The following FTCDNL1 variants were observed in gnomAD, a reference collection of about 807,000 sequenced individuals.
FTCDNL1 encodes the protein formiminotransferase cyclodeaminase N-terminal like, also known as formiminotransferase N-terminal subdomain-containing protein.
In FTCDNL1, 11 loss-of-function variants were observed where a neutral mutation model predicts 5.9. That is an observed-to-expected ratio of 1.87 (90% CI 1.18 to 3.10). FTCDNL1 has a LOEUF of 3.10. Ranked by LOEUF, FTCDNL1 falls within the 30% of genes most tolerant of loss-of-function variation. The pLI is 0.00. For missense variants in FTCDNL1, 115 were observed against 65.5 expected (o/e 1.76, Z -2.61); for synonymous variants, 58 against 24.8 (o/e 2.34, Z -3.99).
In FTCDNL1 at chr2:199,833,051, C is replaced by A. The variant is rs547652815; in HGVS notation, c.211+13024G>T. ...GTGGCACCATCACAGCTCACTGCAG[C>A]CTTGCCTTCCAGACTCAAGCAATCC... On this transcript the variant is annotated intron_variant, in intron 3 of 4. Coordinates refer to ENST00000420128, the MANE Select transcript of FTCDNL1 (RefSeq NM_001363886.2). Among the ~76,000 whole-genome samples, 11 of 151,998 alleles carry A rather than the reference C, an allele frequency of 7.2e-5. No homozygotes were observed. In the South Asian group the frequency reaches 2.1e-3, roughly 29 times the overall value.
the FTCDNL1 span, among the ~76,000 whole-genome samples, chr2:199,749,405 C>A: frequency 3.3e-5 from 5 of 152,238 alleles, no homozygotes; most frequent in African/African-American, 1.2e-4. Flanking sequence ...ACCATACAAT[C>A]AACTCAATTG....
chr2:199,845,979 T>G (rs962347753), intron 3 of FTCDNL1, 96 bp downstream of exon 3: 2 of 557,602 alleles, frequency 3.6e-6, no homozygotes, highest in Non-Finnish European at 6.4e-6. Flanking sequence ...GAGGGGAGTA[T>G]TCATATTTAC....
the FTCDNL1 span, among the ~76,000 whole-genome samples, chr2:199,705,199 G>A: frequency 6.6e-6 from 1 of 152,128 alleles, no homozygotes; most frequent in Non-Finnish European, 1.5e-5. Flanking sequence ...TGGTAAGAGG[G>A]GGAAAGTAAG....
chr2:199,843,077 G>A (rs895598788), intron 3 of FTCDNL1, among the ~76,000 whole-genome samples: 4 of 152,162 alleles, frequency 2.6e-5, no homozygotes, highest in Non-Finnish European at 5.9e-5. Flanking sequence ...TTTTTAATCA[G>A]ATGAAGATTG....
the FTCDNL1 span, among the ~76,000 whole-genome samples, chr2:199,669,313 A>T: frequency 5.9e-5 from 9 of 152,214 alleles, no homozygotes; most frequent in South Asian, 2.1e-4. Flanking sequence ...AAAAGAGAAA[A>T]AAATAAATAA....
chr2:199,669,953 A>T, the FTCDNL1 span, among the ~76,000 whole-genome samples: 1 of 152,188 alleles, frequency 6.6e-6, no homozygotes, highest in Admixed American at 6.5e-5. Flanking sequence ...TCTCAAGTTG[A>T]AACAATGAGT....
At chr2:199,763,533 C>T (rs1007193019) in intron 3 of FTCDNL1, among the ~76,000 whole-genome samples, 2 of 152,312 alleles carry the variant, frequency 1.3e-5, no homozygotes, top group African/African-American at 4.8e-5. Context: ...ACTCACCTTT[C>T]CCCAAGCTCC....
chr2:199,728,733 GATCAC>G, the FTCDNL1 span, among the ~76,000 whole-genome samples: 1 of 152,192 alleles, frequency 6.6e-6, no homozygotes, highest in Non-Finnish European at 1.5e-5. Context: ...GCTATCATTT[GATCAC>G]ATTGAGCATG....
intron 3 of FTCDNL1, among the ~76,000 whole-genome samples, chr2:199,785,292 G>A (rs981883654): frequency 9.8e-6 from 1 of 102,344 alleles, no homozygotes; most frequent in South Asian, 3.5e-4. Context: ...CTGTCGACCA[G>A]GCCAGAGTGC....
At chr2:199,733,286 A>G in the FTCDNL1 span, among the ~76,000 whole-genome samples, 1 of 152,214 alleles carries the variant, frequency 6.6e-6, no homozygotes, top group Non-Finnish European at 1.5e-5. Context: ...GAGAAAAGGA[A>G]TTATATATTT....
rs183858514 is a variant in FTCDNL1 at position 199,848,702 on chromosome 2, C to A, written c.115+146G>T. 1.3e-5 allele frequency: 7 copies of A among 556,314 alleles called. No homozygotes were observed. The East Asian group carries it at 2.0e-4, about 16-fold the overall frequency. 34.5% of individuals were successfully genotyped at this position (556,314 alleles called of 1,614,324 possible). A position where few individuals can be genotyped will look rare whatever the true frequency, so the allele number is the denominator to read the frequency against. On this transcript the variant is annotated intron_variant, in intron 2 of 4. Coordinates refer to ENST00000420128, the MANE Select transcript of FTCDNL1 (RefSeq NM_001363886.2). ...GAGCTATCTCAGTATCCTGGAGTTG[C>A]GCAGAGCTGCAACAGCTCAAGAGCA...
At chr2:199,681,466 G>A in the FTCDNL1 span, among the ~76,000 whole-genome samples, 1 of 152,150 alleles carries the variant, frequency 6.6e-6, no homozygotes, top group African/African-American at 2.4e-5. Flanking sequence ...CCAAAAGAAA[G>A]AAAAGCCAGG....
chr2:199,850,550 A>G (rs1195497310), intron 1 of FTCDNL1, among the ~76,000 whole-genome samples, 190 bp downstream of exon 1: 1 of 152,218 alleles, frequency 6.6e-6, no homozygotes, highest in East Asian at 1.9e-4. Flanking sequence ...CAGGCTCAGA[A>G]AGTGACCCAA....
chr2:199,686,325 A>G, the FTCDNL1 span, among the ~76,000 whole-genome samples: 1 of 152,218 alleles, frequency 6.6e-6, no homozygotes, highest in African/African-American at 2.4e-5. Flanking sequence ...ATTTTAAACT[A>G]ACTCTTGGGG....
At chr2:199,740,309 A>G in the FTCDNL1 span, among the ~76,000 whole-genome samples, 1 of 152,112 alleles carries the variant, frequency 6.6e-6, no homozygotes, top group African/African-American at 2.4e-5. Context: ...GAGAAGAGAA[A>G]ACTCTGCAGG....
the FTCDNL1 span, among the ~76,000 whole-genome samples, chr2:199,704,276 G>T: frequency 6.6e-6 from 1 of 152,108 alleles, no homozygotes; most frequent in African/African-American, 2.4e-5. Context: ...ATGAATAAAA[G>T]ACAGAGAAAA....
the FTCDNL1 span, among the ~76,000 whole-genome samples, chr2:199,744,016 T>C: frequency 4.6e-5 from 7 of 152,358 alleles, no homozygotes; most frequent in East Asian, 1.3e-3. Flanking sequence ...TTTATATGTT[T>C]CTTGTATCAT....
chr2:199,715,166 G>C, the FTCDNL1 span, among the ~76,000 whole-genome samples: 6 of 151,988 alleles, frequency 3.9e-5, no homozygotes, highest in South Asian at 1.0e-3. Context: ...CAGACTTTTT[G>C]TAATTCAAGC....
the FTCDNL1 span, among the ~76,000 whole-genome samples, chr2:199,710,777 T>C: frequency 2.6e-5 from 4 of 152,172 alleles, no homozygotes; most frequent in African/African-American, 9.7e-5. Flanking sequence ...AGTCGTAGCA[T>C]TCTATGAACT....
Sources: allele counts gnomAD v4.1 joint callset (sites outside exome capture counted in the v4.1 genomes callset), GRCh38; gene constraint gnomAD v4.1.1; transcripts MANE v1.5; gene names NCBI Gene and HGNC (gene_info 2026-07-23, HGNC 2026-07-21).